LRMDA: variants seen among roughly 807,000 people sequenced by gnomAD.
LRMDA encodes leucine rich melanocyte differentiation associated, also known as leucine-rich melanocyte differentiation-associated protein.
A neutral mutation model predicts 29.8 loss-of-function variants in LRMDA; 18 were observed. The observed-to-expected ratio is 0.60, with a 90% confidence interval of 0.42 to 0.90. The LOEUF (loss-of-function observed/expected upper bound fraction) is 0.90, where lower values mean the gene tolerates loss of function less well. Among genes scored for constraint, LRMDA ranks in the 40% least tolerant of loss-of-function variants. The probability of loss-of-function intolerance (pLI) is 0.00; values close to 1 mark genes in which losing one functional copy is unlikely to be tolerated. For synonymous variants in LRMDA, 125 were observed against 109.4 expected (o/e 1.14, Z -0.89); for missense variants, 273 against 273.9 (o/e 1.00, Z 0.02).
At chr10:76,112,267 G>A (rs1332645660) in intron 5 of LRMDA, among the ~76,000 whole-genome samples, 2 of 152,178 alleles carry the variant, frequency 1.3e-5, no homozygotes, top group African/African-American at 4.8e-5. Flanking sequence ...TCTGGGTGGG[G>A]GGTTCATTCA....
At chr10:76,027,203 C>T (rs1465448443) in intron 2 of LRMDA, among the ~76,000 whole-genome samples, 8 of 152,140 alleles carry the variant, frequency 5.3e-5, no homozygotes, top group Admixed American at 3.3e-4. Flanking sequence ...AAACAAAGCT[C>T]CAGGCACAGG....
intron 6 of LRMDA, among the ~76,000 whole-genome samples, chr10:76,479,584 C>T (rs1319684830): frequency 6.6e-6 from 1 of 151,828 alleles, no homozygotes; most frequent in Non-Finnish European, 1.5e-5. Flanking sequence ...AATAATTGCC[C>T]TGTCCAAAAT....
At chr10:75,572,134 AG>A (rs1840444731) in intron 2 of LRMDA, among the ~76,000 whole-genome samples, 1 of 152,016 alleles carries the variant, frequency 6.6e-6, no homozygotes, top group Non-Finnish European at 1.5e-5. Context: ...TTGTATTTTT[AG>A]TAGAGACGGG....
At chr10:76,543,510 A>G (rs1389137587) in intron 6 of LRMDA, among the ~76,000 whole-genome samples, 1 of 152,160 alleles carries the variant, frequency 6.6e-6, no homozygotes, top group East Asian at 1.9e-4. Flanking sequence ...CATGGTAGCA[A>G]AAATCAGGTT....
intron 2 of LRMDA, among the ~76,000 whole-genome samples, chr10:75,602,631 A>G (rs1159747132): frequency 6.6e-6 from 1 of 152,184 alleles, no homozygotes; most frequent in Non-Finnish European, 1.5e-5. Flanking sequence ...GCTTCCAAGC[A>G]TAACTCCTAG....
intron 6 of LRMDA, among the ~76,000 whole-genome samples, chr10:76,376,647 T>C (rs1841521877): frequency 6.6e-6 from 1 of 152,130 alleles, no homozygotes; most frequent in African/African-American, 2.4e-5. Context: ...AGCCATACTA[T>C]TTTCCATAAA....
At chr10:76,068,641 T>C (rs1469672015) in intron 5 of LRMDA, among the ~76,000 whole-genome samples, 20 of 152,184 alleles carry the variant, frequency 1.3e-4, no homozygotes, top group Non-Finnish European at 5.9e-5. Context: ...TGTGTGGCCT[T>C]GTATCTAATA....
intron 2 of LRMDA, among the ~76,000 whole-genome samples, chr10:75,731,030 A>G (rs1025700571): frequency 6.6e-6 from 1 of 152,172 alleles, no homozygotes; most frequent in African/African-American, 2.4e-5. Flanking sequence ...AAGGGAAGCT[A>G]TAGGCTTTAC....
chr10:76,406,784 G>A (rs1291285957), intron 6 of LRMDA, among the ~76,000 whole-genome samples: 1 of 152,152 alleles, frequency 6.6e-6, no homozygotes, highest in East Asian at 1.9e-4. Context: ...GATTTGTGAA[G>A]CAAAACATGA....
At chr10:75,491,431 A>C (rs935953805) in intron 2 of LRMDA, among the ~76,000 whole-genome samples, 1 of 152,122 alleles carries the variant, frequency 6.6e-6, no homozygotes, top group Non-Finnish European at 1.5e-5. Flanking sequence ...GAGTGGGGGA[A>C]CTTGTCACCC....
At chr10:76,043,990 T>C (rs926821314) in intron 3 of LRMDA, among the ~76,000 whole-genome samples, 1 of 149,250 alleles carries the variant, frequency 6.7e-6, no homozygotes, top group African/African-American at 2.5e-5. Context: ...CTTGTCTACG[T>C]AAATAATTAG....
rs183290802 is a variant in LRMDA at position 76,057,009 on chromosome 10, G to A, written c.399-1657G>A. Among the ~76,000 whole-genome samples, 8 of 152,252 alleles carry A rather than the reference G, an allele frequency of 5.3e-5. No homozygotes were observed. The East Asian group carries it at 9.7e-4, about 18-fold the overall frequency. Reference sequence around the variant, plus strand: ...GCCACCAATAATGAGACCACCTTACGAATGTGGAAGGTGGCCTTGGGAACC... The same window carrying A: ...GCCACCAATAATGAGACCACCTTACAAATGTGGAAGGTGGCCTTGGGAACC... On this transcript the variant is annotated intron_variant, in intron 4 of 6. Transcript: ENST00000611255.
At chr10:76,511,182 A>C (rs1843006459) in intron 6 of LRMDA, among the ~76,000 whole-genome samples, 1 of 152,170 alleles carries the variant, frequency 6.6e-6, no homozygotes, top group South Asian at 2.1e-4. Context: ...TATTTACATC[A>C]TGAGGCTTTC....
intron 5 of LRMDA, among the ~76,000 whole-genome samples, chr10:76,228,386 T>C (rs1280406929): frequency 6.6e-6 from 1 of 152,126 alleles, no homozygotes; most frequent in African/African-American, 2.4e-5. Context: ...ACAAAGACCA[T>C]GGCATTGTAA....
intron 6 of LRMDA, among the ~76,000 whole-genome samples, chr10:76,436,496 G>A (rs951579355): frequency 6.6e-6 from 1 of 152,146 alleles, no homozygotes; most frequent in African/African-American, 2.4e-5. Flanking sequence ...TTCTCTACGG[G>A]TTTCAAAGTG....
chr10:75,820,296 T>A (rs537210881), intron 2 of LRMDA, among the ~76,000 whole-genome samples: 2 of 152,166 alleles, frequency 1.3e-5, no homozygotes, highest in Admixed American at 1.3e-4. Flanking sequence ...ATTGAAATAA[T>A]GTCAAGTACC....
chr10:76,441,984 T>G (rs1842308128), intron 6 of LRMDA, among the ~76,000 whole-genome samples: 1 of 152,124 alleles, frequency 6.6e-6, no homozygotes, highest in Non-Finnish European at 1.5e-5. Flanking sequence ...CCAGAAACAC[T>G]TTGGTGTATT....
chr10:76,194,799 C>A (rs1488195222), intron 5 of LRMDA, among the ~76,000 whole-genome samples: 1 of 152,150 alleles, frequency 6.6e-6, no homozygotes, highest in Admixed American at 6.5e-5. Flanking sequence ...AATTTTTTAT[C>A]AAAAGGCCAC....
At chr10:75,571,663 AC>A (rs1396637030) in intron 2 of LRMDA, among the ~76,000 whole-genome samples, 5 of 152,208 alleles carry the variant, frequency 3.3e-5, no homozygotes, top group Admixed American at 1.3e-4. Context: ...AGGGAAAGGT[AC>A]CTTGGCTTTT....
Sources: allele counts gnomAD v4.1 joint callset (sites outside exome capture counted in the v4.1 genomes callset), GRCh38; gene constraint gnomAD v4.1.1; transcripts MANE v1.5; gene names NCBI Gene and HGNC (gene_info 2026-07-23, HGNC 2026-07-21).